CSDE1: variants seen among roughly 807,000 people sequenced by gnomAD.
The protein encoded by CSDE1 is cold shock domain containing E1, also known as cold shock domain-containing protein E1.
A neutral mutation model predicts 89.3 loss-of-function variants in CSDE1; 17 were observed. That is an observed-to-expected ratio of 0.19 (90% CI 0.13 to 0.29). CSDE1 has a LOEUF of 0.29. Among genes scored for constraint, CSDE1 ranks in the 10% least tolerant of loss-of-function variants. The pLI, the probability that CSDE1 is intolerant of heterozygous loss-of-function variation, is 1.00. For missense variants in CSDE1, 672 were observed against 984.2 expected (o/e 0.68, Z 4.24); for synonymous variants, 322 against 332.8 (o/e 0.97, Z 0.35).
chr1:114,749,248 G>A (rs758419849), intron 2 of CSDE1, among the ~76,000 whole-genome samples: 2 of 152,056 alleles, frequency 1.3e-5, no homozygotes, highest in Non-Finnish European at 2.9e-5. Flanking sequence ...CCTATATTGT[G>A]ATATTGTGTA....
At chr1:114,728,702 G>A (rs941349480) in intron 12 of CSDE1, among the ~76,000 whole-genome samples, 1 of 152,152 alleles carries the variant, frequency 6.6e-6, no homozygotes, top group Admixed American at 6.5e-5. Context: ...TCTGTCACAT[G>A]CGAAATTCCT....
intron 2 of CSDE1, chr1:114,741,451 C>A: frequency 7.5e-7 from 1 of 1,327,762 alleles, no homozygotes. Context: ...ATATTTCAAC[C>A]AGAATGAGTG....
chr1:114,748,049 T>C (rs1661111636), intron 2 of CSDE1, among the ~76,000 whole-genome samples: 1 of 152,198 alleles, frequency 6.6e-6, no homozygotes, highest in Non-Finnish European at 1.5e-5. Flanking sequence ...TAAAATTAAA[T>C]AACAGTGTCT....
chr1:114,740,436 G>A (rs753821486), intron 2 of CSDE1, among the ~76,000 whole-genome samples: 5 of 152,172 alleles, frequency 3.3e-5, no homozygotes, highest in Non-Finnish European at 7.4e-5. Context: ...AGTAATTCAT[G>A]CTTAGGTCCT....
intron 1 of CSDE1, among the ~76,000 whole-genome samples, chr1:114,755,861 T>G (rs1298477637): frequency 1.3e-5 from 2 of 152,228 alleles, no homozygotes; most frequent in Non-Finnish European, 2.9e-5. Context: ...ATTTCCATGT[T>G]TTAACTACCT....
rs202150406 is a variant in CSDE1, at chr1:114,719,746, A to G, written c.2053-4T>C. On this transcript the variant is annotated splice_region_variant and splice_polypyrimidine_tract_variant and intron_variant, in intron 17 of 19. Coordinates refer to ENST00000358528, the MANE Select transcript of CSDE1 (RefSeq NM_001007553.3). ...CTTCATAGTTAATGAAGCCAAACTG[A>G]AAAAAAAAAGTAGGTAAAAAAGAGA... 3,219 of 1,476,910 alleles carry G rather than the reference A, an allele frequency of 2.2e-3. 3 individuals carry two copies. The highest frequency in any genetic ancestry group is 2.7e-3 in the Non-Finnish European group (2,941 of 1,091,052). The allele number at this position is 1,476,910 out of a possible 1,614,324, so 91.5% of individuals were successfully genotyped here.
chr1:114,721,174 CT>C (rs925611952), intron 16 of CSDE1, among the ~76,000 whole-genome samples: 2 of 151,534 alleles, frequency 1.3e-5, no homozygotes, highest in African/African-American at 2.4e-5. Context: ...ACCCCACCTC[CT>C]TTTTTTTTGT....
intron 2 of CSDE1, among the ~76,000 whole-genome samples, chr1:114,749,406 C>T (rs1661185991): frequency 6.6e-6 from 1 of 152,166 alleles, no homozygotes; most frequent in Non-Finnish European, 1.5e-5. Flanking sequence ...CAAATGTAGG[C>T]ATGGATATAA....
chr1:114,724,250 A>G (rs1306404958), intron 15 of CSDE1: 6 of 289,168 alleles, frequency 2.1e-5, no homozygotes, highest in African/African-American at 6.7e-5. Flanking sequence ...TAAGGAATTA[A>G]TAAGTATTCA....
At chr1:114,736,924 A>T in intron 5 of CSDE1, 69 bp from the exon 6 acceptor site, 2 of 1,222,492 alleles carry the variant, frequency 1.6e-6, no homozygotes, top group Non-Finnish European at 2.3e-6. Context: ...TGATTTACTT[A>T]CTTAAAAACC....
At chr1:114,753,698 G>T (rs1253118111) in intron 1 of CSDE1, among the ~76,000 whole-genome samples, 1 of 152,158 alleles carries the variant, frequency 6.6e-6, no homozygotes, top group East Asian at 1.9e-4. Flanking sequence ...TGGGAGGATT[G>T]TCTGAGACCA....
At position 114,737,536 on chromosome 1, in the gene CSDE1, C is replaced by T; in HGVS notation, c.337G>A (p.Glu113Lys). 1 of 1,613,674 alleles carries T rather than the reference C, an allele frequency of 6.2e-7. No homozygotes were observed. Among genetic ancestry groups the T allele is most frequent in the Non-Finnish European group, 8.5e-7 (1 of 1,179,954 alleles). ...CCCGGGGCAGCTGGAGATTTACTCT[C>T]TAAGTTGTGAGGAACAGCGCACACA... Reference protein sequence around the residue: ...QVVCAVPHNLESKSPAAPGQS... With the variant: ...QVVCAVPHNLKSKSPAAPGQS... Residue 113 changes from glutamate to lysine, a missense_variant, in exon 5 of 20, where the codon GAG becomes AAG. By Grantham distance (56) the Glu-to-Lys change is moderately conservative. Transcript: ENST00000358528.
chr1:114,739,553 T>TA (rs1660606239), intron 3 of CSDE1, 139 bp downstream of exon 3: 1 of 663,808 alleles, frequency 1.5e-6, no homozygotes, highest in Non-Finnish European at 2.7e-6. Context: ...TTTATACAGA[T>TA]ATTCTTCACT....
At position 114,739,766 on chromosome 1, in the gene CSDE1, C is replaced by T. The variant is rs1195549290; in HGVS notation, c.125G>A (p.Cys42Tyr). ...KLLTSYGFIQ[C>Y]SERQARLFFH... ...GAAAAGTCTAGCTTGACGTTCTGAA[C>T]ACTGAATAAATCCGTAAGAGGTTAA... is the stretch of plus-strand genomic sequence containing the variant. The change falls in exon 3 of 20, where the codon TGT becomes TAT. Residue 42 changes from cysteine (C) to tyrosine (Y), a missense_variant. Around this residue, in one of 8 missense-constraint regions of CSDE1, gnomAD observed 34 missense variants for 73.3 expected, o/e 0.46. Coordinates refer to ENST00000358528, the MANE Select transcript of CSDE1 (RefSeq NM_001007553.3). 1 of 1,614,126 alleles carries T rather than the reference C, an allele frequency of 6.2e-7. No homozygotes were observed.
chr1:114,745,710 T>C (rs141394695), intron 2 of CSDE1, among the ~76,000 whole-genome samples: 6 of 152,368 alleles, frequency 3.9e-5, no homozygotes, highest in Admixed American at 3.9e-4. Flanking sequence ...TCTACCCTTT[T>C]CTACATATTT....
Position 114,750,188 on chromosome 1 carries a change from C to G in CSDE1, c.-368G>C, listed in dbSNP as rs1661229201. 6.6e-6 allele frequency: 1 copy of G among 152,596 alleles called. No homozygotes were observed. The highest frequency in any genetic ancestry group is 1.5e-5 in the Non-Finnish European group (1 of 68,034). The allele number at this position is 152,596 out of a possible 1,614,324, so 9.5% of individuals were successfully genotyped here. A position where few individuals can be genotyped will look rare whatever the true frequency, so the allele number is the denominator to read the frequency against. On this transcript the variant is annotated 5_prime_UTR_variant, in exon 2 of 20. Coordinates refer to ENST00000358528, the MANE Select transcript of CSDE1 (RefSeq NM_001007553.3). ...AAGCAGCAGTTTCAGGTGGTAAAGTCTGTTCTGTTACACTTCATACTAAAG... is the reference window on the plus strand; with the variant it reads ...AAGCAGCAGTTTCAGGTGGTAAAGTGTGTTCTGTTACACTTCATACTAAAG...
intron 2 of CSDE1, among the ~76,000 whole-genome samples, chr1:114,748,836 C>G (rs1158331968): frequency 6.6e-6 from 1 of 152,192 alleles, no homozygotes; most frequent in Non-Finnish European, 1.5e-5. Context: ...TTTAAAGGTA[C>G]ACTTCTGAAT....
chr1:114,724,162 C>T, intron 15 of CSDE1, 160 bp from the exon 16 acceptor site: 1 of 587,350 alleles, frequency 1.7e-6, no homozygotes, highest in Non-Finnish European at 2.9e-6. Flanking sequence ...ATTTTTAGAA[C>T]AGCTGCTGGA....
At chr1:114,734,696 C>T (rs1231919495) in intron 6 of CSDE1, among the ~76,000 whole-genome samples, 173 bp from the exon 7 acceptor site, 1 of 152,142 alleles carries the variant, frequency 6.6e-6, no homozygotes, top group Non-Finnish European at 1.5e-5. Context: ...GCTTTATATG[C>T]AAAGGACTTT....
Sources: allele counts gnomAD v4.1 joint callset (sites outside exome capture counted in the v4.1 genomes callset), GRCh38; gene constraint gnomAD v4.1.1; regional missense constraint gnomAD v4.1.1; transcripts MANE v1.5; gene names NCBI Gene and HGNC (gene_info 2026-07-23, HGNC 2026-07-21).